The following ITGB4 variants were observed in gnomAD, a reference collection of about 807,000 sequenced individuals.
ITGB4 encodes integrin subunit beta 4.
ITGB4 carries 159 observed loss-of-function variants against 207.6 expected under a neutral mutation model. The ratio of observed to expected loss-of-function variants is 0.77; its 90% CI spans 0.67 to 0.87. The LOEUF is 0.87. ITGB4 is among the 40% of genes least tolerant of loss of function. ITGB4 has a pLI of 0.00. For missense variants in ITGB4, 2,278 were observed against 2,546.8 expected (o/e 0.89, Z 2.27); for synonymous variants, 1,020 against 1,062.7 (o/e 0.96, Z 0.78).
At chr17:75,744,288 T>C (rs1425015910) in intron 26 of ITGB4, among the ~76,000 whole-genome samples, 1 of 152,038 alleles carries the variant, frequency 6.6e-6, no homozygotes, top group Non-Finnish European at 1.5e-5. Flanking sequence ...GCATGTCTAA[T>C]TTTGTGTTTT....
rs960159454 is a variant in ITGB4, at chr17:75,742,930, C to T, written c.2962+169C>T. The stretch of plus-strand genomic sequence containing the variant: ...TGGGTAAGGGCTCTTTTACGGAATG[C>T]GTGGCTGTTCACCTCGCCACAGTGC... On this transcript the variant is annotated intron_variant, in intron 25 of 39. Coordinates refer to ENST00000200181, the MANE Select transcript of ITGB4 (RefSeq NM_000213.5). This position sits in a 1 kb window ranked among gnomAD's most constrained non-coding sequence, Gnocchi z 5.9. Among the ~76,000 whole-genome samples, 49 of 152,202 alleles carry T rather than the reference C, an allele frequency of 3.2e-4. No homozygotes were observed. Among genetic ancestry groups the T allele is most frequent in the Non-Finnish European group, 1.3e-4 (9 of 68,026 alleles).
rs1220603964 is a variant in ITGB4, at chr17:75,732,189, C to A, written c.1404C>A (p.Cys468Ter). ...ELQKEVRSAR[C>*]SFNGDFVCGQ... ...AAAAAGAGGTGCGGTCAGCTCGCTG[C>A]AGCTTCAACGGAGACTTCGTGTGCG... The change falls in exon 12 of 40, where the codon TGC becomes TGA. Residue 468 changes from cysteine to a stop codon, truncating the protein, a stop_gained. Transcript: ENST00000200181. LOFTEE classifies it high-confidence loss of function. The surrounding 1 kb of genome is among the most constrained non-coding windows in gnomAD (Gnocchi z 5.3). 1 of 1,614,126 alleles carries A rather than the reference C, an allele frequency of 6.2e-7. No individual in the cohort carries two copies. Among genetic ancestry groups the A allele is most frequent in the Non-Finnish European group, 8.5e-7 (1 of 1,180,038 alleles).
In ITGB4 at chr17:75,748,945, G is replaced by A; in HGVS notation, c.3216G>A (p.Arg1072=). The change falls in exon 27 of 40, where the codon CGG becomes CGA. Residue 1072 remains arginine, a synonymous_variant. Coordinates refer to ENST00000200181, the MANE Select transcript of ITGB4 (RefSeq NM_000213.5). The part of the protein sequence containing the change: ...LELQEVDSLL[R]GRQVRRFHVQ... ...TGCAAGAAGTTGACTCCCTCCTGCGGGGCCGCCAGGTCCGCCGTTTCCACG... is the reference window on the plus strand; with the variant it reads ...TGCAAGAAGTTGACTCCCTCCTGCGAGGCCGCCAGGTCCGCCGTTTCCACG... 1 of 1,613,352 alleles carries A rather than the reference G, an allele frequency of 6.2e-7. No homozygotes were observed. The highest frequency in any genetic ancestry group is 2.2e-5 in the East Asian group (1 of 44,866).
Position 75,732,379 on chromosome 17 carries a change from C to A in ITGB4, c.1454+140C>A. 1 of 780,152 alleles carries A rather than the reference C, an allele frequency of 1.3e-6. No individual in the cohort carries two copies. The highest frequency in any genetic ancestry group is 2.2e-6 in the Non-Finnish European group (1 of 454,690). 48.3% of individuals were successfully genotyped at this position (780,152 alleles called of 1,614,324 possible). A position where few individuals can be genotyped will look rare whatever the true frequency, so the allele number is the denominator to read the frequency against. ...CGGCAATCAAAGAAACGGCTAAGGG[C>A]GGGGCACACCCAGTTGTTGGTCAAA... is the stretch of plus-strand genomic sequence containing the variant. On this transcript the variant is annotated intron_variant, in intron 12 of 39. Transcript: ENST00000200181. The surrounding 1 kb of genome is among the most constrained non-coding windows in gnomAD (Gnocchi z 5.3).
chr17:75,731,397 G>A lies in ITGB4; in HGVS notation c.1215+29G>A. 6.3e-7 allele frequency: 1 copy of A among 1,597,004 alleles called. No individual in the cohort carries two copies. Among genetic ancestry groups the A allele is most frequent in the Non-Finnish European group, 8.6e-7 (1 of 1,168,888 alleles). ...CGCCTCTGTGGGGGCAGCGGGGTGG[G>A]GGATAGGCACAGCGCCCCACACCGA... On this transcript the variant is annotated intron_variant, in intron 10 of 39. Transcript: ENST00000200181. This position sits in a 1 kb window ranked among gnomAD's most constrained non-coding sequence, Gnocchi z 6.8.
chr17:75,742,255 T>A lies in ITGB4; in HGVS notation c.2634-86T>A. The A allele has an allele frequency of 6.4e-7, 1 of 1,560,412 alleles. No homozygotes were observed. The highest frequency in any genetic ancestry group is 8.8e-7 in the Non-Finnish European group (1 of 1,137,024). ...TCTTGCTGTCTTACATCCTGGCCCC[T>A]GAAGGGGAGAAGACAGGCAGGAGGG... On this transcript the variant is annotated intron_variant, in intron 23 of 39. Coordinates refer to ENST00000200181, the MANE Select transcript of ITGB4 (RefSeq NM_000213.5). This position sits in a 1 kb window ranked among gnomAD's most constrained non-coding sequence, Gnocchi z 5.9.
rs2061054665 is a variant in ITGB4, at chr17:75,739,386, A to AT, written c.2221-285dup. ...CCTGTGCCTAACCTGCAAGAGGGGCATGGGGAATGAATTCAGTGCTTCCCA... is the reference window on the plus strand; with the variant it reads ...CCTGTGCCTAACCTGCAAGAGGGGCATTGGGGAATGAATTCAGTGCTTCCCA... On this transcript the variant is annotated intron_variant, in intron 18 of 39. Transcript: ENST00000200181. This position sits in a 1 kb window ranked among gnomAD's most constrained non-coding sequence, Gnocchi z 5.4. Among the ~76,000 whole-genome samples the AT allele has an allele frequency of 6.6e-6, 1 of 152,138 alleles. No homozygotes were observed. The highest frequency in any genetic ancestry group is 1.5e-5 in the Non-Finnish European group (1 of 68,032).
At chr17:75,748,554 C>T (rs931757470) in intron 26 of ITGB4, among the ~76,000 whole-genome samples, 3 of 151,966 alleles carry the variant, frequency 2.0e-5, no homozygotes, top group African/African-American at 7.2e-5. Flanking sequence ...CCTGTAATCC[C>T]AGCTACTCAG....
At position 75,748,996 on chromosome 17, in the gene ITGB4, G is replaced by A; in HGVS notation, c.3267G>A (p.Gly1089=). 1 of 1,612,914 alleles carries A rather than the reference G, an allele frequency of 6.2e-7. No individual in the cohort carries two copies. Among genetic ancestry groups the A allele is most frequent in the South Asian group, 1.1e-5 (1 of 91,064 alleles). ...TCCAGCTCAGCAACCCTAAGTTTGG[G>A]GCCCACCTGGGCCAGCCCCACTCCA... ...FHVQLSNPKF[G]AHLGQPHSTT... The change falls in exon 27 of 40, where the codon GGG becomes GGA. Residue 1089 remains glycine, a synonymous_variant. Coordinates refer to ENST00000200181, the MANE Select transcript of ITGB4 (RefSeq NM_000213.5).
Position 75,727,130 on chromosome 17 carries a change from A to G in ITGB4, c.80-65A>G. The G allele has an allele frequency of 8.0e-7, 1 of 1,242,884 alleles. No homozygotes were observed. The highest frequency in any genetic ancestry group is 1.2e-5 in the South Asian group (1 of 81,186). The allele number at this position is 1,242,884 out of a possible 1,614,324, so 77.0% of individuals were successfully genotyped here. A position where few individuals can be genotyped will look rare whatever the true frequency, so the allele number is the denominator to read the frequency against. On this transcript the variant is annotated intron_variant, in intron 2 of 39. Transcript: ENST00000200181. This position sits in a 1 kb window ranked among gnomAD's most constrained non-coding sequence, Gnocchi z 6.0. Reference sequence around the variant, plus strand: ...TCCCCATCTCTCCAGGTGAAGGTGCAGGTGGGAAAGTGCTTGCCTTTGCTG... The same window carrying G: ...TCCCCATCTCTCCAGGTGAAGGTGCGGGTGGGAAAGTGCTTGCCTTTGCTG...
chr17:75,741,520 C>T (rs912816815), intron 23 of ITGB4, among the ~76,000 whole-genome samples: 3 of 152,100 alleles, frequency 2.0e-5, no homozygotes, highest in South Asian at 4.2e-4. Context: ...CAGTAAGAAC[C>T]GTTGGCTGTG....
rs1568377347 is a variant in ITGB4 at position 75,750,671 on chromosome 17, T to C, written c.3475-9T>C. 6.2e-7 allele frequency: 1 copy of C among 1,612,658 alleles called. No homozygotes were observed. The highest frequency in any genetic ancestry group is 1.1e-5 in the South Asian group (1 of 91,054). ...CCCTGCTGACCAGGACCCCTGTCCC[T>C]GGGGGTAGGTAAAGTACTGGATTCA... On this transcript the variant is annotated splice_polypyrimidine_tract_variant and intron_variant, in intron 28 of 39. Transcript: ENST00000200181. This position sits in a 1 kb window ranked among gnomAD's most constrained non-coding sequence, Gnocchi z 5.5.
In ITGB4 at chr17:75,753,958, AC is replaced by A. The variant is rs2061428442; in HGVS notation, c.4305del (p.Gly1439GlufsTer5). The stretch of plus-strand genomic sequence containing the variant: ...GCGGCAGCCTGCCCCGCAGTGCGAC[AC>A]CCGGGCCCCCCGGAGGTGACAGGCT... ...KGGSLPRSATPGPPGEHLVNG... is the reference protein window; with the variant it reads ...KGGSLPRSATXGPPGEHLVNG... On this transcript the variant is annotated frameshift_variant, in exon 33 of 40. Transcript: ENST00000200181. LOFTEE classifies it high-confidence loss of function. 3 of 1,263,452 alleles carry A rather than the reference AC, an allele frequency of 2.4e-6. No homozygotes were observed. The highest frequency in any genetic ancestry group is 3.0e-6 in the Non-Finnish European group (3 of 1,008,950). The allele number at this position is 1,263,452 out of a possible 1,614,324, so 78.3% of individuals were successfully genotyped here.
chr17:75,750,721 C>G lies in ITGB4; in HGVS notation c.3516C>G (p.His1172Gln). 1.2e-6 allele frequency: 2 copies of G among 1,613,504 alleles called. No homozygotes were observed. The highest frequency in any genetic ancestry group is 1.7e-6 in the Non-Finnish European group (2 of 1,180,018). The change falls in exon 29 of 40, where the codon CAC (histidine) becomes CAG (glutamine). Residue 1172 changes from histidine (H) to glutamine (Q), a missense_variant. His to Gln is a conservative substitution (Grantham distance 24). Transcript: ENST00000200181. This position sits in a 1 kb window ranked among gnomAD's most constrained non-coding sequence, Gnocchi z 5.5. ...WIQGDSESEA[H>Q]LLDSKVPSVE... ...AGGGTGACTCCGAATCCGAAGCCCACCTGCTCGACAGCAAGGTGCCCTCAG... is the reference window on the plus strand; with the variant it reads ...AGGGTGACTCCGAATCCGAAGCCCAGCTGCTCGACAGCAAGGTGCCCTCAG...
chr17:75,730,377 C>A lies in ITGB4; in HGVS notation c.875C>A (p.Thr292Asn). ...SRNDERCHLD[T>N]TGTYTQYRTQ... ...AACGATGAACGGTGCCACCTGGACA[C>A]CACGGGCACCTACACCCAGTACAGG... is the stretch of plus-strand genomic sequence containing the variant. Residue 292 changes from threonine to asparagine, a missense_variant, in exon 8 of 40, where the codon ACC becomes AAC. Coordinates refer to ENST00000200181, the MANE Select transcript of ITGB4 (RefSeq NM_000213.5). 6.2e-7 allele frequency: 1 copy of A among 1,613,986 alleles called. No individual in the cohort carries two copies. The highest frequency in any genetic ancestry group is 8.5e-7 in the Non-Finnish European group (1 of 1,180,018).
At chr17:75,755,121 G>A (rs1459879654) in intron 34 of ITGB4, 20 of 1,610,020 alleles carry the variant, frequency 1.2e-5, no homozygotes, top group Non-Finnish European at 1.6e-5. Flanking sequence ...GGGTCCCGGA[G>A]TCGGGCTCAG....
Position 75,727,200 on chromosome 17 carries a change from C to A in ITGB4, c.85C>A (p.Arg29Ser), listed in dbSNP as rs138695324. 3.7e-6 allele frequency: 6 copies of A among 1,613,918 alleles called. No individual in the cohort carries two copies. The highest frequency in any genetic ancestry group is 5.1e-6 in the Non-Finnish European group (6 of 1,179,924). ...GCCCACATCTGTCCCCCCAGCAAAC[C>A]GCTGCAAGAAGGCCCCAGTGAAGAG... ...SVSLSGTLAN[R>S]CKKAPVKSCT... Residue 29 changes from arginine to serine, a missense_variant, in exon 3 of 40, where the codon CGC (arginine) becomes AGC (serine). Transcript: ENST00000200181. The surrounding 1 kb of genome is among the most constrained non-coding windows in gnomAD (Gnocchi z 6.0).
chr17:75,742,583 C>G lies in ITGB4; in HGVS notation c.2784C>G (p.Asp928Glu). Residue 928 changes from aspartate (D) to glutamate (E), a missense_variant and splice_region_variant, in exon 25 of 40, where the codon GAC becomes GAG. By Grantham distance (45) the Asp-to-Glu change is conservative (BLOSUM62 2). Coordinates refer to ENST00000200181, the MANE Select transcript of ITGB4 (RefSeq NM_000213.5). This position sits in a 1 kb window ranked among gnomAD's most constrained non-coding sequence, Gnocchi z 5.9. ...GACCACCTCCGAACCCCCACCCAGA[C>G]GCCCGGGGCATGGTGGAGTTCCAGG... ...PGYYTLTADQ[D>E]ARGMVEFQEG... The G allele has an allele frequency of 6.2e-7, 1 of 1,613,916 alleles. No homozygotes were observed. Among genetic ancestry groups the G allele is most frequent in the Non-Finnish European group, 8.5e-7 (1 of 1,179,996 alleles).
chr17:75,747,565 T>TC (rs912595087), intron 26 of ITGB4, among the ~76,000 whole-genome samples: 6 of 152,164 alleles, frequency 3.9e-5, no homozygotes, highest in Non-Finnish European at 5.9e-5. Context: ...ATAGCGTTTT[T>TC]CCCCCCAATG....
Sources: allele counts gnomAD v4.1 joint callset (sites outside exome capture counted in the v4.1 genomes callset), GRCh38; gene constraint gnomAD v4.1.1; non-coding constraint Gnocchi (gnomAD v3.1); transcripts MANE v1.5; gene names NCBI Gene and HGNC (gene_info 2026-07-23, HGNC 2026-07-21).